The following FOXK1 variants were observed in gnomAD, a reference collection of about 807,000 sequenced individuals.
The protein encoded by FOXK1 is forkhead box protein K1.
In FOXK1, 19 loss-of-function variants were observed where a neutral mutation model predicts 51.9. The observed-to-expected ratio is 0.37, with a 90% CI of 0.26 to 0.54. FOXK1 has a LOEUF of 0.54. Among genes scored for constraint, FOXK1 ranks in the 20% least tolerant of loss-of-function variants. FOXK1 has a pLI of 0.87. For missense variants in FOXK1, 870 were observed against 1,032.7 expected (o/e 0.84, Z 2.16); for synonymous variants, 537 against 482.6 (o/e 1.11, Z -1.48).
rs1356173392 is a variant in FOXK1, at chr7:4,682,599, G to C, written c.291G>C (p.Ser97=). The change falls in exon 1 of 9, where the codon TCG becomes TCC. Residue 97 remains serine, a synonymous_variant. Coordinates refer to ENST00000328914, the MANE Select transcript of FOXK1 (RefSeq NM_001037165.2). This position sits in a 1 kb window ranked among gnomAD's most constrained non-coding sequence, Gnocchi z 7.6. ...APALVAAAAA[S]VRQSPGPALA... ...CCCTGGTGGCCGCGGCGGCCGCCTC[G>C]GTACGGCAGAGCCCGGGGCCGGCGC... 4 of 1,377,864 alleles carry C rather than the reference G, an allele frequency of 2.9e-6. No individual in the cohort carries two copies. Among genetic ancestry groups the C allele is most frequent in the Non-Finnish European group, 3.8e-6 (4 of 1,062,550 alleles). 85.4% of individuals were successfully genotyped at this position (1,377,864 alleles called of 1,614,324 possible). A position where few individuals can be genotyped will look rare whatever the true frequency, so the allele number is the denominator to read the frequency against.
At chr7:4,705,517 T>TCTCTCTC (rs1780072758) in intron 1 of FOXK1, among the ~76,000 whole-genome samples, 5 of 111,570 alleles carry the variant, frequency 4.5e-5, no homozygotes, top group South Asian at 3.4e-4. Context: ...TTCCTTCTCT[T>TCTCTCTC]TCTCTCTCTC....
intron 1 of FOXK1, among the ~76,000 whole-genome samples, chr7:4,727,505 C>T (rs1780395587): frequency 6.6e-6 from 1 of 151,772 alleles, no homozygotes; most frequent in Admixed American, 6.6e-5. Context: ...TAGTAGAGAC[C>T]CGTTTCACCA....
intron 1 of FOXK1, among the ~76,000 whole-genome samples, chr7:4,686,684 A>T (rs940303476): frequency 6.6e-6 from 1 of 152,322 alleles, no homozygotes; most frequent in East Asian, 1.9e-4. Context: ...TAGTGCAGGC[A>T]CTGGCTCCTA....
Position 4,762,631 on chromosome 7 carries a change from T to C in FOXK1, c.*167T>C, listed in dbSNP as rs1352464112. On this transcript the variant is annotated 3_prime_UTR_variant, in exon 9 of 9. Transcript: ENST00000328914. The surrounding 1 kb of genome is among the most constrained non-coding windows in gnomAD (Gnocchi z 5.7). ...GCCCTTTCCATTTGATCGCCTGCCT[T>C]CCCGTGGTTTAAGACAAAAACACAT... 4 of 635,988 alleles carry C rather than the reference T, an allele frequency of 6.3e-6. No individual in the cohort carries two copies. The African/African-American group carries it at 7.4e-5, about 12-fold the overall frequency. The allele number at this position is 635,988 out of a possible 1,614,324, so 39.4% of individuals were successfully genotyped here. A position where few individuals can be genotyped will look rare whatever the true frequency, so the allele number is the denominator to read the frequency against.
rs149030526 is a variant in FOXK1 at position 4,684,583 on chromosome 7, A to C, written c.560+1715A>C. Among the ~76,000 whole-genome samples, 53 of 152,036 alleles carry C rather than the reference A, an allele frequency of 3.5e-4. 1 individual carries two copies. The highest frequency in any genetic ancestry group is 5.7e-4 in the Non-Finnish European group (39 of 67,984). Reference sequence around the variant, plus strand: ...GTGTGTTCTCTCTCTTCCATAACCAATACACTCTCTCCGTTTGGGGCCATT... The same window carrying C: ...GTGTGTTCTCTCTCTTCCATAACCACTACACTCTCTCCGTTTGGGGCCATT... On this transcript the variant is annotated intron_variant, in intron 1 of 8. Transcript: ENST00000328914.
Position 4,755,238 on chromosome 7 carries a change from A to T in FOXK1, c.905A>T (p.Asp302Val). ...CCCGTGAGCCGTGTTTCTCCGCAGG[A>T]TGAGTCAAAGCCGCCGTTCTCCTAC... ...ADTSGGDSPK[D>V]ESKPPFSYAQ... The change falls in exon 4 of 9, where the codon GAT (aspartate) becomes GTT (valine). Residue 302 changes from aspartate to valine, a missense_variant and splice_region_variant. Transcript: ENST00000328914. The surrounding 1 kb of genome is among the most constrained non-coding windows in gnomAD (Gnocchi z 6.6). 1.2e-6 allele frequency: 2 copies of T among 1,613,712 alleles called. No homozygotes were observed. The highest frequency in any genetic ancestry group is 1.7e-6 in the Non-Finnish European group (2 of 1,179,974).
intron 1 of FOXK1, among the ~76,000 whole-genome samples, chr7:4,713,770 G>A (rs1007007177): frequency 4.6e-5 from 7 of 152,018 alleles, no homozygotes; most frequent in African/African-American, 1.7e-4. Flanking sequence ...GATTACAGGC[G>A]TGAGCCACCG....
chr7:4,739,086 C>A (rs527243972), intron 1 of FOXK1, among the ~76,000 whole-genome samples: 3 of 152,200 alleles, frequency 2.0e-5, no homozygotes, highest in Non-Finnish European at 4.4e-5. Flanking sequence ...GGTGTCTGCG[C>A]ACGTCCATGC....
At position 4,757,050 on chromosome 7, in the gene FOXK1, C is replaced by G. The variant is rs1293216391; in HGVS notation, c.1107C>G (p.Ser369=). ...LNRYFIKVPR[S]QEEPGKGSFW... ...GTTACTTTATCAAAGTCCCACGTTC[C>G]CAGGAGGAGCCTGGGAAGGGGTCCT... Residue 369 remains serine (S), a synonymous_variant, in exon 5 of 9, where the codon TCC becomes TCG. Transcript: ENST00000328914. 6.2e-7 allele frequency: 1 copy of G among 1,613,822 alleles called. No individual in the cohort carries two copies. Among genetic ancestry groups the G allele is most frequent in the Non-Finnish European group, 8.5e-7 (1 of 1,180,000 alleles).
chr7:4,697,606 G>A (rs558324270), intron 1 of FOXK1, among the ~76,000 whole-genome samples: 14 of 152,256 alleles, frequency 9.2e-5, no homozygotes, highest in African/African-American at 2.6e-4. Context: ...GTTTACCTGG[G>A]TTCATCAGCA....
intron 1 of FOXK1, among the ~76,000 whole-genome samples, chr7:4,740,551 C>T (rs1448323505): frequency 2.6e-5 from 4 of 152,052 alleles, no homozygotes; most frequent in Admixed American, 1.3e-4. Flanking sequence ...GCTGAGGTTG[C>T]GGTGAGCTGA....
chr7:4,717,938 C>T (rs1033873435), intron 1 of FOXK1, among the ~76,000 whole-genome samples: 3 of 152,148 alleles, frequency 2.0e-5, no homozygotes, highest in African/African-American at 4.8e-5. Context: ...ATTTTTGCCT[C>T]GTCACGTTTT....
intron 1 of FOXK1, among the ~76,000 whole-genome samples, chr7:4,705,165 A>G (rs116756808): frequency 0.02 from 3,032 of 151,680 alleles, 95 homozygotes; most frequent in African/African-American, 0.067. Flanking sequence ...ACATTCTCCA[A>G]TTTTTTAAAG....
chr7:4,724,347 C>G (rs1486539837), intron 1 of FOXK1, among the ~76,000 whole-genome samples: 1 of 152,210 alleles, frequency 6.6e-6, no homozygotes, highest in Non-Finnish European at 1.5e-5. Context: ...AGGCACCCAC[C>G]ACCACGCCCG....
At chr7:4,720,760 C>T (rs531000122) in intron 1 of FOXK1, among the ~76,000 whole-genome samples, 2 of 151,034 alleles carry the variant, frequency 1.3e-5, no homozygotes, top group South Asian at 2.1e-4. Flanking sequence ...AGTGCAATGG[C>T]GCGATCTCGG....
At chr7:4,754,750 C>A in intron 3 of FOXK1, 135 bp downstream of exon 3, 2 of 1,123,924 alleles carry the variant, frequency 1.8e-6, no homozygotes, top group South Asian at 1.5e-5. Flanking sequence ...GGAATGGAGC[C>A]GCAGCTGGCG....
intron 1 of FOXK1, among the ~76,000 whole-genome samples, chr7:4,692,800 C>T (rs1414842861): frequency 6.6e-6 from 1 of 152,018 alleles, no homozygotes; most frequent in Non-Finnish European, 1.5e-5. Context: ...AATCATAGCT[C>T]ACTGCAGCCT....
At chr7:4,725,676 G>C (rs1780371979) in intron 1 of FOXK1, among the ~76,000 whole-genome samples, 1 of 152,278 alleles carries the variant, frequency 6.6e-6, no homozygotes, top group Non-Finnish European at 1.5e-5. Context: ...ACACACCAAG[G>C]CTGCCGACTG....
intron 1 of FOXK1, among the ~76,000 whole-genome samples, chr7:4,698,951 G>A (rs1205733170): frequency 6.6e-6 from 1 of 152,160 alleles, no homozygotes; most frequent in Non-Finnish European, 1.5e-5. Flanking sequence ...GCCTCTCAAA[G>A]TGCTGGTGTT....
Sources: allele counts gnomAD v4.1 joint callset (sites outside exome capture counted in the v4.1 genomes callset), GRCh38; gene constraint gnomAD v4.1.1; non-coding constraint Gnocchi (gnomAD v3.1); transcripts MANE v1.5; gene names NCBI Gene and HGNC (gene_info 2026-07-23, HGNC 2026-07-21).